Variants in UGT1A6 observed in about 807,000 individuals in gnomAD.
UGT1A6 encodes UDP glucuronosyltransferase family 1 member A6.
Under a neutral mutation model 44.4 loss-of-function variants are expected in UGT1A6, and 32 were observed. The observed-to-expected ratio is 0.72, with a 90% CI of 0.54 to 0.97. The LOEUF is 0.97. Among genes scored for constraint, UGT1A6 ranks in the 50% least tolerant of loss-of-function variants. The pLI is 0.00. For missense variants in UGT1A6, 685 were observed against 661.9 expected (o/e 1.03, Z -0.38); for synonymous variants, 238 against 248.5 (o/e 0.96, Z 0.40).
intron 4 of UGT1A6, chr2:233,771,409 C>G (rs1252416049): frequency 6.6e-6 from 1 of 152,166 alleles, no homozygotes; most frequent in Non-Finnish European, 1.5e-5. Flanking sequence ...TGAACACTGT[C>G]CAGAATAAAC....
At chr2:233,745,164 A>G (rs2125868449) in intron 1 of UGT1A6, among the ~76,000 whole-genome samples, 1 of 151,968 alleles carries the variant, frequency 6.6e-6, no homozygotes, top group South Asian at 2.1e-4. Context: ...TCAAATGTGC[A>G]TGTTATTCAC....
intron 1 of UGT1A6, among the ~76,000 whole-genome samples, chr2:233,728,192 C>T (rs2077688908): frequency 6.6e-6 from 1 of 152,192 alleles, no homozygotes; most frequent in Non-Finnish European, 1.5e-5. Context: ...GAACTTGGTG[C>T]TGGATTGACT....
chr2:233,693,699 T>A lies in UGT1A6; in HGVS notation c.695T>A (p.Leu232His). 1 of 1,614,240 alleles carries A rather than the reference T, an allele frequency of 6.2e-7. No homozygotes were observed. Among genetic ancestry groups the A allele is most frequent in the Non-Finnish European group, 8.5e-7 (1 of 1,180,048 alleles). Residue 232 changes from leucine (L) to histidine (H), a missense_variant, in exon 1 of 5, where the codon CTC (leucine) becomes CAC (histidine). Transcript: ENST00000305139. ...TGTCTGTTTTCAAAGTATGAAGAAC[T>A]CGCATCAGCTGTCCTCAAGAGAGAT... ...FYCLFSKYEE[L>H]ASAVLKRDVD... is the part of the protein sequence containing the mutation.
At chr2:233,752,606 A>T (rs1695016071) in intron 1 of UGT1A6, 1 of 152,194 alleles carries the variant, frequency 6.6e-6, no homozygotes, top group African/African-American at 2.4e-5. Context: ...TTTTTAAAAA[A>T]ACATTAGCTA....
chr2:233,760,577 A>G (rs1222761790), intron 1 of UGT1A6: 2 of 1,614,128 alleles, frequency 1.2e-6, no homozygotes, highest in Non-Finnish European at 1.7e-6. Context: ...AGTCTCGGGC[A>G]TAATGTTTTT....
chr2:233,726,536 A>G (rs956435699), intron 1 of UGT1A6, among the ~76,000 whole-genome samples: 1 of 152,196 alleles, frequency 6.6e-6, no homozygotes, highest in African/African-American at 2.4e-5. Flanking sequence ...AGGGAGATGC[A>G]GTGCAGCGTC....
chr2:233,758,758 G>C (rs1696968653), intron 1 of UGT1A6, among the ~76,000 whole-genome samples: 1 of 152,210 alleles, frequency 6.6e-6, no homozygotes, highest in Non-Finnish European at 1.5e-5. Context: ...CCAGTGATGT[G>C]TATGGTTCAA....
chr2:233,760,908 G>A lies in UGT1A6; in HGVS notation c.862-6126G>A, dbSNP rs1697607352. On this transcript the variant is annotated intron_variant, in intron 1 of 4. Coordinates refer to ENST00000305139, the MANE Select transcript of UGT1A6 (RefSeq NM_001072.4). ...CTCATTCAGATCACATGACCTTCCT[G>A]CAGCGGGTGAAGAACATGCTCATTG... 7 of 1,614,034 alleles carry A rather than the reference G, an allele frequency of 4.3e-6. No individual in the cohort carries two copies. The Middle Eastern group carries it at 6.6e-4, about 152-fold the overall frequency.
chr2:233,768,737 C>A (rs947383404), intron 4 of UGT1A6, among the ~76,000 whole-genome samples: 9 of 151,868 alleles, frequency 5.9e-5, no homozygotes, highest in Admixed American at 5.2e-4. Flanking sequence ...TGTCCACCAC[C>A]ACGCCCGGTT....
rs1377722142 is a variant in UGT1A6 at position 233,725,198 on chromosome 2, AGAGGCAGAGGCAGAGGCAGAG to A, written c.861+31350_861+31370del. Reference sequence around the variant, plus strand: ...CGTGGGGAGAGGCAGAGGCAGAGGCAGAGGCAGAGGCAGAGGCAGAGGAGGCAGAGGCAGAGGAGGCAGAGG... The same window carrying A: ...CGTGGGGAGAGGCAGAGGCAGAGGCAGAGGCAGAGGCAGAGGAGGCAGAGG... On this transcript the variant is annotated intron_variant, in intron 1 of 4. Coordinates refer to ENST00000305139, the MANE Select transcript of UGT1A6 (RefSeq NM_001072.4). 4.5e-3 allele frequency among the ~76,000 whole-genome samples: 386 copies of A among 86,592 alleles called. 89 individuals carry two copies. Among genetic ancestry groups the A allele is most frequent in the African/African-American group, 0.033 (341 of 10,250 alleles). The allele number at this position is 86,592 out of a possible 152,430, so 56.8% of individuals were successfully genotyped here. A position where few individuals can be genotyped will look rare whatever the true frequency, so the allele number is the denominator to read the frequency against.
chr2:233,719,028 A>G (rs1032757626), intron 1 of UGT1A6: 1 of 1,614,250 alleles, frequency 6.2e-7, no homozygotes, highest in African/African-American at 1.3e-5. Context: ...TATGCACATC[A>G]AAGAAGAGAA....
chr2:233,700,326 C>T (rs1196966408), intron 1 of UGT1A6, among the ~76,000 whole-genome samples: 1 of 152,172 alleles, frequency 6.6e-6, no homozygotes, highest in Non-Finnish European at 1.5e-5. Flanking sequence ...AAAATTCTGC[C>T]TCTCTTTCAA....
chr2:233,765,728 A>C (rs1698929525), intron 1 of UGT1A6, among the ~76,000 whole-genome samples: 1 of 151,098 alleles, frequency 6.6e-6, no homozygotes, highest in Admixed American at 6.6e-5. Flanking sequence ...TAATAATAAT[A>C]ATAAATAAAC....
At chr2:233,692,035 G>C (rs555086706), upstream of UGT1A6, 1 of 152,198 alleles carries the variant, frequency 6.6e-6, no homozygotes, top group Non-Finnish European at 1.5e-5. Flanking sequence ...AGTTGCCAGG[G>C]AACAAAACCC....
chr2:233,747,127 T>C, intron 1 of UGT1A6: 1 of 1,513,692 alleles, frequency 6.6e-7, no homozygotes, highest in South Asian at 1.2e-5. Context: ...GCTAAGTGGC[T>C]CAGTGACAAG....
rs2013021 is a variant in UGT1A6 at position 233,712,440 on chromosome 2, C to A, written c.861+18575C>A. ...ACAAGAAATATCCTGGTGTGAAAAA[C>A]GACCAAAACCAGATAGCCAGCCTCC... On this transcript the variant is annotated intron_variant, in intron 1 of 4. Coordinates refer to ENST00000305139, the MANE Select transcript of UGT1A6 (RefSeq NM_001072.4). 3.9e-5 allele frequency among the ~76,000 whole-genome samples: 6 copies of A among 152,200 alleles called. No individual in the cohort carries two copies. In the East Asian group the frequency reaches 9.7e-4, roughly 25 times the overall value.
intron 1 of UGT1A6, among the ~76,000 whole-genome samples, chr2:233,757,562 G>GTATATATATA (rs1491042837): frequency 2.2e-5 from 2 of 90,868 alleles, no homozygotes; most frequent in Admixed American, 1.0e-4. Flanking sequence ...ATATATATAT[G>GTATATATATA]TATATATGAT....
At chr2:233,696,081 T>C (rs1265342336) in intron 1 of UGT1A6, among the ~76,000 whole-genome samples, 2 of 152,144 alleles carry the variant, frequency 1.3e-5, no homozygotes, top group East Asian at 3.8e-4. Context: ...AAGAACAGTA[T>C]GGAGAGTCTT....
intron 1 of UGT1A6, among the ~76,000 whole-genome samples, chr2:233,724,843 CA>C (rs1314943677): frequency 7.6e-6 from 1 of 132,312 alleles, no homozygotes; most frequent in Non-Finnish European, 1.6e-5. Context: ...GAGGCCAAGG[CA>C]GGCGGCTGGG....
Sources: gnomAD v4.1 joint callset for allele counts (sites outside exome capture counted in the v4.1 genomes callset) on GRCh38, gnomAD v4.1.1 for gene constraint, MANE v1.5 for transcripts, NCBI Gene and HGNC (gene_info 2026-07-23, HGNC 2026-07-21) for gene names.